The following ANGPT1 variants were observed in gnomAD, a reference collection of about 807,000 sequenced individuals.
ANGPT1 encodes the protein angiopoietin-1.
A neutral mutation model predicts 62.2 loss-of-function variants in ANGPT1; 17 were observed. The ratio of observed to expected loss-of-function variants is 0.27; its 90% confidence interval spans 0.19 to 0.41. ANGPT1 has a LOEUF of 0.41. Among genes scored for constraint, ANGPT1 ranks in the 10% least tolerant of loss-of-function variants. The probability of loss-of-function intolerance (pLI) is 1.00; values close to 1 mark genes in which losing one functional copy is unlikely to be tolerated. For synonymous variants in ANGPT1, 199 were observed against 198.9 expected (o/e 1.00, Z 0.00); for missense variants, 478 against 594.9 (o/e 0.80, Z 2.04).
In ANGPT1 at chr8:107,358,579, C is replaced by A. The variant is rs960586403; in HGVS notation, c.298-11482G>T. Among the ~76,000 whole-genome samples the A allele has an allele frequency of 3.9e-5, 6 of 152,212 alleles. No homozygotes were observed. In the South Asian group the frequency reaches 8.3e-4, roughly 21 times the overall value. On this transcript the variant is annotated intron_variant, in intron 1 of 8. Transcript: ENST00000517746. ...GAATGAAACGAAGCATGAGTAACTGCAAAAATACCTGCTCTTGTGACTACA... is the reference window on the plus strand; with the variant it reads ...GAATGAAACGAAGCATGAGTAACTGAAAAAATACCTGCTCTTGTGACTACA...
chr8:107,361,556 T>TGGGATGGGGTAATAGAC (rs1563586454), intron 1 of ANGPT1, among the ~76,000 whole-genome samples: 3 of 26,332 alleles, frequency 1.1e-4, no homozygotes, highest in African/African-American at 2.1e-4. Context: ...AATATATGTA[T>TGGGATGGGGTAATAGAC]ATATTATATA....
chr8:107,257,886 TGTTTGTTTGTTTG>T (rs1255026771), intron 8 of ANGPT1, among the ~76,000 whole-genome samples: 5 of 103,538 alleles, frequency 4.8e-5, no homozygotes, highest in East Asian at 2.3e-4. Flanking sequence ...GTTTCTTTTT[TGTTTGTTTGTTTG>T]TTTGTTTGTT....
intron 2 of ANGPT1, among the ~76,000 whole-genome samples, chr8:107,337,585 T>G (rs187391948): frequency 1.3e-3 from 202 of 152,300 alleles, no homozygotes; most frequent in African/African-American, 4.5e-3. Flanking sequence ...AGAAAGAAGA[T>G]AAATTAATTT....
chr8:107,311,233 G>T (rs549429875), intron 4 of ANGPT1, among the ~76,000 whole-genome samples: 1 of 147,006 alleles, frequency 6.8e-6, no homozygotes, highest in Non-Finnish European at 1.5e-5. Context: ...ATAAGAATTT[G>T]GGCACTGAAC....
chr8:107,438,319 C>T (rs911423667), intron 1 of ANGPT1, among the ~76,000 whole-genome samples: 2 of 152,006 alleles, frequency 1.3e-5, no homozygotes, highest in African/African-American at 4.8e-5. Context: ...TCTTCTTTGT[C>T]ACCTCCATCT....
intron 7 of ANGPT1, among the ~76,000 whole-genome samples, chr8:107,271,057 CTT>C (rs1256963491): frequency 1.3e-5 from 2 of 151,998 alleles, no homozygotes; most frequent in Admixed American, 6.6e-5. Context: ...AACCAAAACT[CTT>C]CCTTTTTTCC....
intron 4 of ANGPT1, among the ~76,000 whole-genome samples, chr8:107,317,914 A>G (rs1182513837): frequency 6.6e-6 from 1 of 152,180 alleles, no homozygotes; most frequent in African/African-American, 2.4e-5. Flanking sequence ...TACAGGCATG[A>G]GCCACCGCGC....
intron 7 of ANGPT1, among the ~76,000 whole-genome samples, chr8:107,278,229 C>T (rs532617019): frequency 2.0e-5 from 3 of 151,902 alleles, no homozygotes; most frequent in Admixed American, 1.3e-4. Flanking sequence ...GTGTGCAACA[C>T]CACGCCAAGT....
In ANGPT1 at chr8:107,264,357, G is replaced by C. The variant is rs1185758467; in HGVS notation, c.1206-6C>G. Reference sequence around the variant, plus strand: ...TGTGACCTTTTAAATACAACCTGAAGTCAAAAAGAAAAAAAAGAAAGATAA... The same window carrying C: ...TGTGACCTTTTAAATACAACCTGAACTCAAAAAGAAAAAAAAGAAAGATAA... On this transcript the variant is annotated splice_region_variant and splice_polypyrimidine_tract_variant and intron_variant, in intron 7 of 8. Coordinates refer to ENST00000517746, the MANE Select transcript of ANGPT1 (RefSeq NM_001146.5). 1 of 1,609,222 alleles carries C rather than the reference G, an allele frequency of 6.2e-7. No homozygotes were observed. Among genetic ancestry groups the C allele is most frequent in the Non-Finnish European group, 8.5e-7 (1 of 1,178,506 alleles).
chr8:107,257,882 T>TTG (rs1554576249), intron 8 of ANGPT1, among the ~76,000 whole-genome samples: 5 of 92,986 alleles, frequency 5.4e-5, no homozygotes, highest in East Asian at 2.5e-4. Flanking sequence ...TTTTGTTTCT[T>TTG]TTTTGTTTGT....
At chr8:107,402,565 T>C (rs1040482781) in intron 1 of ANGPT1, among the ~76,000 whole-genome samples, 2 of 152,216 alleles carry the variant, frequency 1.3e-5, no homozygotes, top group African/African-American at 4.8e-5. Context: ...AGCTGTTAAC[T>C]TGTTTAAGCC....
chr8:107,362,735 C>T (rs1816191445), intron 1 of ANGPT1, among the ~76,000 whole-genome samples: 4 of 152,110 alleles, frequency 2.6e-5, no homozygotes, highest in Non-Finnish European at 1.5e-5. Flanking sequence ...ACTGGAAAAC[C>T]ACCATTATAG....
chr8:107,319,252 C>A (rs2130052405), intron 4 of ANGPT1, among the ~76,000 whole-genome samples: 1 of 152,234 alleles, frequency 6.6e-6, no homozygotes, highest in Admixed American at 6.5e-5. Context: ...TAAGGTTAAA[C>A]TGGTTGCCAA....
intron 1 of ANGPT1, among the ~76,000 whole-genome samples, chr8:107,408,443 G>C (rs531336553): frequency 1.8e-4 from 28 of 152,108 alleles, no homozygotes; most frequent in Non-Finnish European, 3.5e-4. Context: ...ATTTTAGAGA[G>C]AAAAATGTGT....
intron 1 of ANGPT1, among the ~76,000 whole-genome samples, chr8:107,496,334 A>C (rs1001971142): frequency 6.6e-6 from 1 of 152,230 alleles, no homozygotes; most frequent in Non-Finnish European, 1.5e-5. Flanking sequence ...TTCATAATTT[A>C]ATAGGCTTAT....
At chr8:107,335,995 C>A (rs1044173655) in intron 3 of ANGPT1, among the ~76,000 whole-genome samples, 155 bp downstream of exon 3, 2 of 152,104 alleles carry the variant, frequency 1.3e-5, no homozygotes, top group Non-Finnish European at 2.9e-5. Context: ...GCTGAATTTA[C>A]CTTAAGCTCT....
intron 1 of ANGPT1, among the ~76,000 whole-genome samples, chr8:107,374,536 C>T (rs946056726): frequency 7.2e-5 from 11 of 152,214 alleles, no homozygotes; most frequent in African/African-American, 2.2e-4. Context: ...TTTGAGCTCA[C>T]TAAACTCCAA....
chr8:107,299,417 AT>A (rs1161133107), intron 5 of ANGPT1, among the ~76,000 whole-genome samples: 4 of 142,656 alleles, frequency 2.8e-5, no homozygotes, highest in South Asian at 4.3e-4. Context: ...ATATATATAT[AT>A]ATAAACATAC....
At chr8:107,266,641 CTG>C (rs1482403384) in intron 7 of ANGPT1, among the ~76,000 whole-genome samples, 11 of 152,146 alleles carry the variant, frequency 7.2e-5, no homozygotes, top group African/African-American at 2.2e-4. Flanking sequence ...TTTTGTTTCT[CTG>C]TGATTTGTAA....
Sources: gnomAD v4.1 joint callset for allele counts (sites outside exome capture counted in the v4.1 genomes callset) on GRCh38, gnomAD v4.1.1 for gene constraint, MANE v1.5 for transcripts, NCBI Gene and HGNC (gene_info 2026-07-23, HGNC 2026-07-21) for gene names.